The following IRF2 variants were observed in gnomAD, a reference collection of about 807,000 sequenced individuals.
The protein encoded by IRF2 is interferon regulatory factor 2.
IRF2 carries 15 observed loss-of-function variants against 40.6 expected under a neutral mutation model. The ratio of observed to expected loss-of-function variants is 0.37; its 90% CI spans 0.25 to 0.57. The LOEUF is 0.57. Ranked by LOEUF, IRF2 falls within the 20% of genes least tolerant of loss-of-function variation. IRF2 has a pLI of 0.77. For missense variants in IRF2, 317 were observed against 455.7 expected, an observed-to-expected ratio of 0.70 and a Z score of 2.77; for synonymous variants, 151 against 165.5, an observed-to-expected ratio of 0.91 and a Z score of 0.67.
intron 2 of IRF2, among the ~76,000 whole-genome samples, chr4:184,427,372 C>T (rs1737709914): frequency 6.6e-6 from 1 of 152,216 alleles, no homozygotes; most frequent in South Asian, 2.1e-4. Context: ...AATTCAAAAT[C>T]AGGCTGGGCA....
Position 184,429,038 on chromosome 4 carries a change from G to A in IRF2, c.27C>T (p.Arg9=). MPVERMRM[R]PWLEEQINSN... is the part of the protein sequence containing the mutation. ...AGTTTATCTGCTCCTCCAGCCACGG[G>A]CGCATGCGCATCCTTTCCACCGGCA... The change falls in exon 2 of 9, where the codon CGC becomes CGT. Residue 9 remains arginine (R), a synonymous_variant. Transcript: ENST00000393593. 4.3e-6 allele frequency: 7 copies of A among 1,614,084 alleles called. No individual in the cohort carries two copies. Among genetic ancestry groups the A allele is most frequent in the Non-Finnish European group, 5.9e-6 (7 of 1,179,936 alleles).
At chr4:184,471,819 T>C (rs1739523225) in intron 1 of IRF2, 1 of 152,266 alleles carries the variant, frequency 6.6e-6, no homozygotes, top group Non-Finnish European at 1.5e-5. Context: ...CATAATTTGC[T>C]TCCAGTTTGA....
chr4:184,404,202 G>T (rs2797507), intron 6 of IRF2, among the ~76,000 whole-genome samples: 57,105 of 151,876 alleles, frequency 0.38, 12,079 homozygotes, highest in Non-Finnish European at 0.46. Flanking sequence ...AGGTCACCCA[G>T]GTAGCTGCAG....
At chr4:184,404,516 T>C (rs920209993) in intron 6 of IRF2, among the ~76,000 whole-genome samples, 4 of 152,180 alleles carry the variant, frequency 2.6e-5, no homozygotes, top group African/African-American at 9.7e-5. Context: ...CCATTTTCTA[T>C]ATAATTTTAA....
intron 1 of IRF2, 129 bp from the exon 2 acceptor site, chr4:184,429,199 G>C: frequency 1.5e-6 from 1 of 650,710 alleles, no homozygotes; most frequent in South Asian, 1.7e-5. Flanking sequence ...GGGGCTGGGG[G>C]GTCGGTGTAC....
chr4:184,404,514 T>C (rs1160974812), intron 6 of IRF2, among the ~76,000 whole-genome samples: 2 of 152,192 alleles, frequency 1.3e-5, no homozygotes, highest in Non-Finnish European at 2.9e-5. Context: ...TTCCATTTTC[T>C]ATATAATTTT....
rs866979441 is a variant in IRF2 at position 184,413,797 on chromosome 4, T to C, written c.411+4370A>G. On this transcript the variant is annotated intron_variant, in intron 5 of 8. Transcript: ENST00000393593. This position sits in a 1 kb window ranked among gnomAD's most constrained non-coding sequence, Gnocchi z 4.2. ...GCAAACAACCCTCCGAAGCAGGAAG[T>C]ACCCATTTCTATTCGCCCCACCTAC... Among the ~76,000 whole-genome samples the C allele has an allele frequency of 1.2e-4, 18 of 152,198 alleles. No homozygotes were observed. The highest frequency in any genetic ancestry group is 4.1e-4 in the African/African-American group (17 of 41,444).
rs561703345 is a variant in IRF2 at position 184,453,763 on chromosome 4, G to A, written c.-7+20616C>T. The stretch of plus-strand genomic sequence containing the variant: ...TGAGGAGGAGGAGCGTGGCAGAAAC[G>A]GCAGGACCTGAATTACCTGAGCTGT... On this transcript the variant is annotated intron_variant, in intron 1 of 8. Coordinates refer to ENST00000393593, the MANE Select transcript of IRF2 (RefSeq NM_002199.4). Among the ~76,000 whole-genome samples the A allele has an allele frequency of 2.2e-4, 34 of 152,290 alleles. No individual in the cohort carries two copies. The South Asian group carries it at 3.3e-3, about 15-fold the overall frequency.
chr4:184,456,597 G>A (rs1045798982), intron 1 of IRF2, among the ~76,000 whole-genome samples: 1 of 152,250 alleles, frequency 6.6e-6, no homozygotes, highest in Non-Finnish European at 1.5e-5. Flanking sequence ...TCCAGCCAGG[G>A]CACACACCCG....
intron 1 of IRF2, among the ~76,000 whole-genome samples, chr4:184,438,793 A>G (rs1738183771): frequency 6.6e-6 from 1 of 152,132 alleles, no homozygotes; most frequent in African/African-American, 2.4e-5. Flanking sequence ...ATGTACAAGA[A>G]CTTCATGGCA....
chr4:184,436,597 T>C (rs780245974), intron 1 of IRF2, among the ~76,000 whole-genome samples: 1 of 152,066 alleles, frequency 6.6e-6, no homozygotes, highest in Non-Finnish European at 1.5e-5. Context: ...GAAAGCTTTA[T>C]GGCAAAGGAA....
chr4:184,462,974 C>T (rs1302895394), intron 1 of IRF2, among the ~76,000 whole-genome samples: 4 of 152,206 alleles, frequency 2.6e-5, no homozygotes, highest in South Asian at 2.1e-4. Context: ...GCAAATAAAT[C>T]GGACTGGATC....
intron 1 of IRF2, among the ~76,000 whole-genome samples, chr4:184,467,197 C>T (rs1215243773): frequency 6.6e-6 from 1 of 152,202 alleles, no homozygotes; most frequent in East Asian, 1.9e-4. Flanking sequence ...TCAACTGGTC[C>T]TTGAGTTATC....
chr4:184,402,944 G>A (rs1370732149), intron 6 of IRF2, among the ~76,000 whole-genome samples: 1 of 152,098 alleles, frequency 6.6e-6, no homozygotes, highest in Non-Finnish European at 1.5e-5. Flanking sequence ...CATGACTTGG[G>A]GAAAAAAGTA....
chr4:184,460,173 T>A (rs1489833633), intron 1 of IRF2, among the ~76,000 whole-genome samples: 1 of 152,228 alleles, frequency 6.6e-6, no homozygotes, highest in Admixed American at 6.5e-5. Context: ...CTCTGATGCA[T>A]GCTACAACAT....
intron 2 of IRF2, among the ~76,000 whole-genome samples, chr4:184,427,959 A>ACTT (rs1374161910): frequency 6.6e-6 from 1 of 152,312 alleles, no homozygotes; most frequent in East Asian, 1.9e-4. Flanking sequence ...TAGGAGAGGA[A>ACTT]CTTCTCTCCT....
At chr4:184,440,774 C>T (rs1414620511) in intron 1 of IRF2, among the ~76,000 whole-genome samples, 1 of 152,238 alleles carries the variant, frequency 6.6e-6, no homozygotes, top group Non-Finnish European at 1.5e-5. Flanking sequence ...CCTCCCTCTT[C>T]ATACTCACTT....
rs1244255618 is a variant in IRF2 at position 184,418,155 on chromosome 4, AC to A, written c.411+11del. The A allele has an allele frequency of 6.2e-7, 1 of 1,611,060 alleles. No homozygotes were observed. The highest frequency in any genetic ancestry group is 1.7e-5 in the Admixed American group (1 of 59,994). On this transcript the variant is annotated intron_variant, in intron 5 of 8. Coordinates refer to ENST00000393593, the MANE Select transcript of IRF2 (RefSeq NM_002199.4). ...CCAACTTTGGCTTTCTCTCTGAATC[AC>A]CCAAGATTACCTTGATGTGCTTAAC...
At chr4:184,414,741 A>C (rs1398692144) in intron 5 of IRF2, among the ~76,000 whole-genome samples, 1 of 152,262 alleles carries the variant, frequency 6.6e-6, no homozygotes, top group Non-Finnish European at 1.5e-5. Flanking sequence ...AGTGACCCCA[A>C]GAAAATTCTA....
Sources: allele counts gnomAD v4.1 joint callset (sites outside exome capture counted in the v4.1 genomes callset), GRCh38; gene constraint gnomAD v4.1.1; non-coding constraint Gnocchi (gnomAD v3.1); transcripts MANE v1.5; gene names NCBI Gene and HGNC (gene_info 2026-07-23, HGNC 2026-07-21).